SUMF1: variants seen among roughly 807,000 people sequenced by gnomAD.
SUMF1 encodes the protein formylglycine-generating enzyme.
In SUMF1, 48 loss-of-function variants were observed where a neutral mutation model predicts 47.6. That is an observed-to-expected ratio of 1.01 (90% confidence interval 0.80 to 1.28). The LOEUF is 1.28. SUMF1 is among the 50% of genes most tolerant of loss of function. SUMF1 has a pLI of 0.00. For missense variants in SUMF1, 571 were observed against 485.4 expected, an observed-to-expected ratio of 1.18 and a Z score of -1.66; for synonymous variants, 230 against 192.1, an observed-to-expected ratio of 1.20 and a Z score of -1.63.
chr3:4,140,302 T>A (rs1694042887), intron 8 of SUMF1, among the ~76,000 whole-genome samples: 1 of 152,090 alleles, frequency 6.6e-6, no homozygotes, highest in Non-Finnish European at 1.5e-5. Context: ...GATGCATCTG[T>A]AAATCCTTCC....
intron 8 of SUMF1, among the ~76,000 whole-genome samples, chr3:4,339,018 A>G (rs1699213732): frequency 6.6e-6 from 1 of 152,142 alleles, no homozygotes; most frequent in Non-Finnish European, 1.5e-5. Flanking sequence ...CCTGACGTTA[A>G]CTTTCCAACC....
At chr3:4,373,304 A>C (rs144835621) in intron 8 of SUMF1, among the ~76,000 whole-genome samples, 2 of 152,174 alleles carry the variant, frequency 1.3e-5, no homozygotes, top group Non-Finnish European at 2.9e-5. Context: ...TAAATGGTCT[A>C]AACACCCAAT....
intron 8 of SUMF1, among the ~76,000 whole-genome samples, chr3:4,177,902 A>G: frequency 6.6e-6 from 1 of 152,190 alleles, no homozygotes; most frequent in South Asian, 2.1e-4. Flanking sequence ...ATCAGAGAAT[A>G]CTATAAACAC....
intron 3 of SUMF1, among the ~76,000 whole-genome samples, chr3:4,423,998 G>C (rs1021488640): frequency 2.6e-5 from 4 of 152,316 alleles, no homozygotes; most frequent in Admixed American, 1.3e-4. Flanking sequence ...GCAAAACCAT[G>C]AGCCAAACAG....
At chr3:4,202,716 T>C (rs945171057) in intron 8 of SUMF1, among the ~76,000 whole-genome samples, 3 of 152,160 alleles carry the variant, frequency 2.0e-5, no homozygotes, top group Non-Finnish European at 4.4e-5. Context: ...GTTTTAACCA[T>C]ATTGGTTCTT....
At chr3:4,211,229 C>CATATATATATATATATATATATATATA (rs1479579920) in intron 8 of SUMF1, among the ~76,000 whole-genome samples, 1 of 55,554 alleles carries the variant, frequency 1.8e-5, no homozygotes, top group Non-Finnish European at 4.0e-5. Flanking sequence ...TATATATATC[C>CATATATATATATATATATATATATATA]TATTAGTTCT....
At chr3:4,215,312 T>C (rs144994640) in intron 8 of SUMF1, among the ~76,000 whole-genome samples, 205 of 152,292 alleles carry the variant, frequency 1.3e-3, no homozygotes, top group African/African-American at 4.6e-3. Flanking sequence ...ATTATCTCAA[T>C]AGATGCAGAA....
At chr3:4,103,453 G>C (rs1425953443) in intron 8 of SUMF1, among the ~76,000 whole-genome samples, 1 of 151,954 alleles carries the variant, frequency 6.6e-6, no homozygotes, top group Non-Finnish European at 1.5e-5. Context: ...TGAAATGGAG[G>C]GGATTTTTTT....
At chr3:4,102,983 T>C (rs965105257) in intron 8 of SUMF1, among the ~76,000 whole-genome samples, 4 of 151,576 alleles carry the variant, frequency 2.6e-5, no homozygotes, top group African/African-American at 7.3e-5. Context: ...AGTGTAGTAG[T>C]GCAATCTCAG....
At chr3:4,389,287 C>G (rs1415855139) in intron 7 of SUMF1, among the ~76,000 whole-genome samples, 1 of 151,462 alleles carries the variant, frequency 6.6e-6, no homozygotes, top group South Asian at 2.1e-4. Context: ...GCCATTTCCT[C>G]TGGCCTTCAT....
chr3:4,325,212 A>G (rs1698917033), intron 8 of SUMF1, among the ~76,000 whole-genome samples: 1 of 152,202 alleles, frequency 6.6e-6, no homozygotes, highest in Non-Finnish European at 1.5e-5. Context: ...AAACCATATC[A>G]CCCCTGTTCT....
At position 4,257,707 on chromosome 3, in the gene SUMF1, A is replaced by T. The variant is rs1192182008; in HGVS notation, c.1014+118623T>A. Among the ~76,000 whole-genome samples, 12 of 151,610 alleles carry T rather than the reference A, an allele frequency of 7.9e-5. No individual in the cohort carries two copies. In the South Asian group the frequency reaches 1.5e-3, roughly 18 times the overall value. On this transcript the variant is annotated intron_variant and NMD_transcript_variant, in intron 8 of 12. Coordinates refer to the SUMF1 transcript ENST00000448413. Reference sequence around the variant, plus strand: ...CTGCCCAAGGTAATTTACAGATTCAATGCCATCCCCATCAAGCTACCAATG... The same window carrying T: ...CTGCCCAAGGTAATTTACAGATTCATTGCCATCCCCATCAAGCTACCAATG...
chr3:4,164,937 C>T (rs1180453458), intron 8 of SUMF1, among the ~76,000 whole-genome samples: 7 of 152,126 alleles, frequency 4.6e-5, no homozygotes, highest in East Asian at 1.9e-4. Flanking sequence ...CCTAAGTTAT[C>T]GCGGACATCA....
intron 8 of SUMF1, among the ~76,000 whole-genome samples, chr3:4,345,510 G>T (rs531160867): frequency 6.6e-6 from 1 of 152,236 alleles, no homozygotes; most frequent in South Asian, 2.1e-4. Flanking sequence ...CAACAGGCCT[G>T]CCCTGCAAGA....
intron 8 of SUMF1, among the ~76,000 whole-genome samples, chr3:4,217,693 A>T (rs1695965431): frequency 6.9e-6 from 1 of 144,286 alleles, no homozygotes; most frequent in Middle Eastern, 3.5e-3. Context: ...TGTAGGTTTT[A>T]TTTTTTTATT....
chr3:4,310,350 T>A (rs559447788), intron 8 of SUMF1, among the ~76,000 whole-genome samples: 3 of 152,338 alleles, frequency 2.0e-5, no homozygotes, highest in South Asian at 4.1e-4. Flanking sequence ...ACTAAAAGTT[T>A]TCAAAAGATT....
intron 8 of SUMF1, among the ~76,000 whole-genome samples, chr3:4,088,064 G>A (rs1692708224): frequency 1.3e-5 from 2 of 152,134 alleles, no homozygotes; most frequent in South Asian, 4.1e-4. Flanking sequence ...GATAACCTGT[G>A]TAGGCTGATA....
intron 8 of SUMF1, among the ~76,000 whole-genome samples, chr3:4,202,103 C>T (rs1695552911): frequency 6.6e-6 from 1 of 151,870 alleles, no homozygotes; most frequent in African/African-American, 2.4e-5. Context: ...AGCTTTTTAA[C>T]TTTATGAGAT....
chr3:4,463,075 G>A (rs1575259313), intron 1 of SUMF1, among the ~76,000 whole-genome samples: 1 of 152,174 alleles, frequency 6.6e-6, no homozygotes, highest in East Asian at 1.9e-4. Context: ...ACCAAAAAAG[G>A]AAACACAGGT....
Sources: gnomAD v4.1 joint callset for allele counts (sites outside exome capture counted in the v4.1 genomes callset) on GRCh38, gnomAD v4.1.1 for gene constraint, MANE v1.5 for transcripts, NCBI Gene and HGNC (gene_info 2026-07-23, HGNC 2026-07-21) for gene names.